Variants in SHANK2 observed in about 807,000 individuals in gnomAD.
SHANK2 encodes the protein SH3 and multiple ankyrin repeat domains 2.
Under a neutral mutation model 133.7 loss-of-function variants are expected in SHANK2, and 43 were observed. The observed-to-expected ratio is 0.32, with a 90% confidence interval of 0.25 to 0.41. The LOEUF (loss-of-function observed/expected upper bound fraction) is 0.41, where lower values mean the gene tolerates loss of function less well. Among genes scored for constraint, SHANK2 ranks in the 10% least tolerant of loss-of-function variants. The pLI is 1.00. For missense variants in SHANK2, 1,994 were observed against 2,235.8 expected (o/e 0.89, Z 2.18); for synonymous variants, 1,017 against 952.8 (o/e 1.07, Z -1.24).
chr11:70,951,701 G>T (rs781914734), intron 10 of SHANK2, among the ~76,000 whole-genome samples: 1 of 152,198 alleles, frequency 6.6e-6, no homozygotes, highest in East Asian at 1.9e-4. Context: ...TTAAACAATG[G>T]AAGTTTCTAC....
chr11:71,080,911 G>T (rs1951290866), intron 8 of SHANK2, among the ~76,000 whole-genome samples: 1 of 152,228 alleles, frequency 6.6e-6, no homozygotes, highest in African/African-American at 2.4e-5. Context: ...GCAGCGGACG[G>T]GCTGTGATGC....
At chr11:70,637,376 G>A (rs2061117134) in intron 17 of SHANK2, among the ~76,000 whole-genome samples, 1 of 152,138 alleles carries the variant, frequency 6.6e-6, no homozygotes, top group African/African-American at 2.4e-5. Context: ...GACCCAGGGT[G>A]CCTATAGAGA....
chr11:70,877,158 G>A (rs1381046331), intron 11 of SHANK2, among the ~76,000 whole-genome samples: 1 of 152,236 alleles, frequency 6.6e-6, no homozygotes, highest in Non-Finnish European at 1.5e-5. Flanking sequence ...CAACAATGGT[G>A]TTCTGAATTA....
At chr11:70,831,713 C>G (rs1472248596) in intron 11 of SHANK2, among the ~76,000 whole-genome samples, 3 of 152,246 alleles carry the variant, frequency 2.0e-5, no homozygotes, top group African/African-American at 7.2e-5. Context: ...GAAGTCCTGG[C>G]GGGGACGCCG....
intron 14 of SHANK2, among the ~76,000 whole-genome samples, chr11:70,719,244 G>T (rs991845637): frequency 3.9e-5 from 6 of 152,230 alleles, no homozygotes; most frequent in Non-Finnish European, 8.8e-5. Context: ...TAGACACTTT[G>T]TAACAGTTCA....
intron 2 of SHANK2, 66 bp from the exon 3 acceptor site, chr11:71,147,404 C>T (rs1433083261): frequency 2.6e-5 from 35 of 1,343,404 alleles, no homozygotes; most frequent in South Asian, 5.7e-5. Flanking sequence ...CCCAGGGGCA[C>T]GGTGGACACT....
intron 17 of SHANK2, among the ~76,000 whole-genome samples, chr11:70,540,800 A>T (rs1227087169): frequency 2.0e-5 from 3 of 149,276 alleles, no homozygotes; most frequent in African/African-American, 7.4e-5. Context: ...AGTGAGCTGA[A>T]ATCACGCCAC....
intron 11 of SHANK2, among the ~76,000 whole-genome samples, chr11:70,865,965 C>T (rs577179037): frequency 3.9e-5 from 6 of 152,278 alleles, no homozygotes; most frequent in East Asian, 3.9e-4. Flanking sequence ...GTCCCACCCT[C>T]GGGCACTGCT....
At chr11:70,493,981 G>A (rs540239025) in intron 21 of SHANK2, among the ~76,000 whole-genome samples, 315 of 152,288 alleles carry the variant, frequency 2.1e-3, no homozygotes, top group Non-Finnish European at 4.0e-3. Context: ...AGCTTCTCAC[G>A]GGGAGCTGAC....
intron 14 of SHANK2, among the ~76,000 whole-genome samples, chr11:70,756,339 G>C (rs1555038916): frequency 6.6e-6 from 1 of 152,204 alleles, no homozygotes; most frequent in African/African-American, 2.4e-5. Flanking sequence ...TTCTGAAACA[G>C]GGATAATAAG....
At chr11:70,934,206 T>A (rs1590848690) in intron 10 of SHANK2, among the ~76,000 whole-genome samples, 1 of 128,084 alleles carries the variant, frequency 7.8e-6, no homozygotes, top group Non-Finnish European at 1.6e-5. Flanking sequence ...CACTCCAGCC[T>A]GGGCAACAGA....
At chr11:70,681,317 T>G (rs928671963) in intron 15 of SHANK2, among the ~76,000 whole-genome samples, 8 of 152,210 alleles carry the variant, frequency 5.3e-5, no homozygotes, top group African/African-American at 1.9e-4. Flanking sequence ...GGATTCGCAC[T>G]GGAGGAGAAT....
chr11:70,594,702 C>T (rs1489594962), intron 17 of SHANK2, among the ~76,000 whole-genome samples: 1 of 152,054 alleles, frequency 6.6e-6, no homozygotes, highest in African/African-American at 2.4e-5. Flanking sequence ...GGAACAACAC[C>T]GTGAACCTCG....
intron 17 of SHANK2, among the ~76,000 whole-genome samples, chr11:70,575,152 A>G (rs781978570): frequency 4.6e-5 from 7 of 152,148 alleles, no homozygotes. Context: ...TGGGAAGGAC[A>G]CTGGGGTCCA....
intron 10 of SHANK2, among the ~76,000 whole-genome samples, chr11:70,898,286 A>G (rs1051232802): frequency 5.7e-5 from 8 of 139,648 alleles, no homozygotes; most frequent in African/African-American, 2.4e-4. Context: ...ACACACGCAC[A>G]CACACACACA....
chr11:70,664,940 G>A (rs1944651659), intron 15 of SHANK2, among the ~76,000 whole-genome samples: 1 of 152,160 alleles, frequency 6.6e-6, no homozygotes, highest in Non-Finnish European at 1.5e-5. Context: ...GTCCTGAGCT[G>A]GAGGCCGTGG....
chr11:70,860,201 A>G (rs1949236070), intron 11 of SHANK2, among the ~76,000 whole-genome samples: 1 of 151,994 alleles, frequency 6.6e-6, no homozygotes, highest in South Asian at 2.1e-4. Context: ...ATACCCTATC[A>G]CACCTGGTCA....
intron 17 of SHANK2, among the ~76,000 whole-genome samples, chr11:70,629,427 G>GGGTCTC (rs1412348442): frequency 6.6e-6 from 1 of 152,182 alleles, no homozygotes; most frequent in African/African-American, 2.4e-5. Flanking sequence ...CTGGCCTCCC[G>GGGTCTC]GGTCTCCAGG....
chr11:71,110,005 C>T lies in SHANK2; in HGVS notation c.528G>A (p.Val176=). 1 of 1,551,766 alleles carries T rather than the reference C, an allele frequency of 6.4e-7. No individual in the cohort carries two copies. The highest frequency in any genetic ancestry group is 1.7e-4 in the Middle Eastern group (1 of 5,992). The change falls in exon 6 of 26, where the codon GTG becomes GTA. Residue 176 remains valine, a synonymous_variant. Transcript: ENST00000601538. ...GGTCCAGCATCTTGGTGATCTTCTC[C>T]ACCAAGCGATGCTGAATGTGATCCA... ...KCMDHIQHRL[V]EKITKMLDRG...
Sources: gnomAD v4.1 joint callset for allele counts (sites outside exome capture counted in the v4.1 genomes callset) on GRCh38, gnomAD v4.1.1 for gene constraint, MANE v1.5 for transcripts, NCBI Gene and HGNC (gene_info 2026-07-23, HGNC 2026-07-21) for gene names.